The following SNTG1 variants were observed in gnomAD, a reference collection of about 807,000 sequenced individuals.
SNTG1 encodes gamma-1-syntrophin.
In SNTG1, 39 loss-of-function variants were observed where a neutral mutation model predicts 74.7. The observed-to-expected ratio is 0.52, with a 90% confidence interval of 0.40 to 0.68. SNTG1 has a LOEUF of 0.68. Ranked by LOEUF, SNTG1 falls within the 30% of genes least tolerant of loss-of-function variation. The pLI, the probability that SNTG1 is intolerant of heterozygous loss-of-function variation, is 0.00. For missense variants in SNTG1, 685 were observed against 609.5 expected (o/e 1.12, Z -1.30); for synonymous variants, 254 against 217.1 (o/e 1.17, Z -1.49).
chr8:50,488,744 A>G (rs2093821833), intron 8 of SNTG1, among the ~76,000 whole-genome samples: 1 of 152,126 alleles, frequency 6.6e-6, no homozygotes, highest in Non-Finnish European at 1.5e-5. Context: ...CATAAAAAGT[A>G]TTCACTAAAT....
At chr8:50,252,847 G>A (rs1036002113) in intron 2 of SNTG1, among the ~76,000 whole-genome samples, 5 of 151,984 alleles carry the variant, frequency 3.3e-5, no homozygotes, top group African/African-American at 1.2e-4. Context: ...GATTTGAAGG[G>A]GACAAAACAT....
intron 1 of SNTG1, among the ~76,000 whole-genome samples, chr8:50,060,143 A>G (rs920139573): frequency 2.0e-4 from 31 of 152,192 alleles, no homozygotes; most frequent in Non-Finnish European, 3.8e-4. Context: ...GGTCATTTGT[A>G]TAGATTCTTT....
chr8:50,779,579 C>G (rs969216248), intron 18 of SNTG1, among the ~76,000 whole-genome samples: 1 of 152,124 alleles, frequency 6.6e-6, no homozygotes, highest in Non-Finnish European at 1.5e-5. Flanking sequence ...GCCGAAGTTG[C>G]TTATCAGCTT....
chr8:50,134,817 T>C (rs902691813), intron 1 of SNTG1, among the ~76,000 whole-genome samples: 5 of 152,160 alleles, frequency 3.3e-5, no homozygotes, highest in Non-Finnish European at 4.4e-5. Context: ...AAGTGTTCAC[T>C]TTGAACAGGA....
At chr8:50,659,338 G>C (rs1279386764) in intron 15 of SNTG1, among the ~76,000 whole-genome samples, 1 of 151,900 alleles carries the variant, frequency 6.6e-6, no homozygotes, top group South Asian at 2.1e-4. Context: ...TCTACTTTAG[G>C]GTTTGTAGGC....
chr8:50,695,186 A>G (rs13265428), intron 15 of SNTG1, among the ~76,000 whole-genome samples: 31,089 of 151,306 alleles, frequency 0.21, 3,275 homozygotes, highest in South Asian at 0.31. Context: ...GTAAAAAAAA[A>G]CCCAAGATCC....
intron 2 of SNTG1, among the ~76,000 whole-genome samples, chr8:50,295,892 A>G (rs2089343057): frequency 6.6e-6 from 1 of 152,186 alleles, no homozygotes; most frequent in Non-Finnish European, 1.5e-5. Context: ...TAGAGGCTTC[A>G]ACACCTAATG....
At chr8:50,576,314 T>C (rs2094576564) in intron 12 of SNTG1, among the ~76,000 whole-genome samples, 1 of 152,202 alleles carries the variant, frequency 6.6e-6, no homozygotes, top group African/African-American at 2.4e-5. Flanking sequence ...TTCTGGACTC[T>C]ATTCTATTCT....
chr8:50,417,414 G>A (rs551865454), intron 4 of SNTG1, among the ~76,000 whole-genome samples: 3 of 152,186 alleles, frequency 2.0e-5, no homozygotes, highest in South Asian at 2.1e-4. Context: ...TTCTCTAGAC[G>A]CAATATTTGC....
Position 50,433,042 on chromosome 8 carries a change from G to A in SNTG1, c.163-5501G>A, listed in dbSNP as rs543672238. On this transcript the variant is annotated intron_variant, in intron 4 of 18. Transcript: ENST00000642720. ...TGACCTCCAGTGATCCACCTGCCTCGGCCTCCCAAAGTGCTGGGATTACAG... is the reference window on the plus strand; with the variant it reads ...TGACCTCCAGTGATCCACCTGCCTCAGCCTCCCAAAGTGCTGGGATTACAG... Among the ~76,000 whole-genome samples the A allele has an allele frequency of 1.7e-4, 26 of 152,120 alleles. No individual in the cohort carries two copies. In the South Asian group the frequency reaches 3.5e-3, roughly 21 times the overall value.
intron 2 of SNTG1, among the ~76,000 whole-genome samples, chr8:50,356,954 T>C (rs16914760): frequency 0.18 from 27,718 of 152,206 alleles, 2,755 homozygotes; most frequent in African/African-American, 0.26. Flanking sequence ...GAGCTGGACA[T>C]GGGTTCTGTT....
chr8:50,395,506 G>GTTTTTTT, intron 3 of SNTG1, among the ~76,000 whole-genome samples: 1 of 135,676 alleles, frequency 7.4e-6, no homozygotes, highest in African/African-American at 2.7e-5. Context: ...TCTAATTTCT[G>GTTTTTTT]TTTTTTTTTT....
At chr8:50,779,325 C>T (rs2095651170) in intron 18 of SNTG1, among the ~76,000 whole-genome samples, 1 of 152,162 alleles carries the variant, frequency 6.6e-6, no homozygotes, top group African/African-American at 2.4e-5. Flanking sequence ...TTGATTCTTC[C>T]TACCCATGAG....
chr8:50,660,368 G>A (rs1563708237), intron 15 of SNTG1, among the ~76,000 whole-genome samples: 6 of 129,636 alleles, frequency 4.6e-5, no homozygotes, highest in African/African-American at 1.7e-4. Context: ...AAGAGAGAGA[G>A]AGAAAGAAGG....
At chr8:50,763,800 T>A (rs1295113742) in intron 18 of SNTG1, among the ~76,000 whole-genome samples, 1 of 146,172 alleles carries the variant, frequency 6.8e-6, no homozygotes, top group Non-Finnish European at 1.5e-5. Context: ...TCATTAAATT[T>A]TTTACCAAAA....
chr8:50,118,625 T>G (rs943965337), intron 1 of SNTG1, among the ~76,000 whole-genome samples: 1 of 143,604 alleles, frequency 7.0e-6, no homozygotes, highest in South Asian at 2.5e-4. Flanking sequence ...CCATTCCCTG[T>G]GGACCCCAAA....
At chr8:50,484,859 C>CA (rs1027673294) in intron 8 of SNTG1, among the ~76,000 whole-genome samples, 3,928 of 128,092 alleles carry the variant, frequency 0.031, 159 homozygotes, top group African/African-American at 0.1. Context: ...GACTCCATCT[C>CA]AAAAAAAAAA....
At chr8:50,509,760 T>C (rs931958913) in intron 9 of SNTG1, among the ~76,000 whole-genome samples, 1 of 152,156 alleles carries the variant, frequency 6.6e-6, no homozygotes, top group African/African-American at 2.4e-5. Flanking sequence ...TTTTGCACAT[T>C]GATTTTGTAT....
At chr8:50,156,252 G>A (rs2082251222) in intron 1 of SNTG1, among the ~76,000 whole-genome samples, 1 of 152,008 alleles carries the variant, frequency 6.6e-6, no homozygotes, top group South Asian at 2.1e-4. Flanking sequence ...TACAAGGAGA[G>A]GAAACATTCC....
Sources: allele counts gnomAD v4.1 joint callset (sites outside exome capture counted in the v4.1 genomes callset), GRCh38; gene constraint gnomAD v4.1.1; transcripts MANE v1.5; gene names NCBI Gene and HGNC (gene_info 2026-07-23, HGNC 2026-07-21).